Variants in LRP6 observed in about 807,000 individuals in gnomAD.
The protein encoded by LRP6 is LDL receptor related protein 6.
LRP6 carries 43 observed loss-of-function variants against 184.1 expected under a neutral mutation model. The observed-to-expected ratio is 0.23, with a 90% CI of 0.18 to 0.30. LRP6 has a LOEUF of 0.30. Ranked by LOEUF, LRP6 falls within the 10% of genes least tolerant of loss-of-function variation. LRP6 has a pLI of 1.00. For missense variants in LRP6, 1,571 were observed against 2,005.3 expected, an observed-to-expected ratio of 0.78 and a Z score of 4.14; for synonymous variants, 719 against 684.9, an observed-to-expected ratio of 1.05 and a Z score of -0.78.
Position 12,179,943 on chromosome 12 carries a change from A to G in LRP6, c.1412T>C (p.Ile471Thr). 6.2e-7 allele frequency: 1 copy of G among 1,613,964 alleles called. No homozygotes were observed. The highest frequency in any genetic ancestry group is 8.5e-7 in the Non-Finnish European group (1 of 1,179,858). ...AGAACCATCCAGAGCTGCTCGCTCAATTTTCGGAATTTCTCCCCAGTCAGT... is the reference window on the plus strand; with the variant it reads ...AGAACCATCCAGAGCTGCTCGCTCAGTTTTCGGAATTTCTCCCCAGTCAGT... ...YWTDWGEIPK[I>T]ERAALDGSDR... Residue 471 changes from isoleucine to threonine, a missense_variant, in exon 7 of 23, where the codon ATT becomes ACT. This residue lies in a region of LRP6 where 640 missense variants were observed against 851.9 expected (regional missense o/e 0.75). Transcript: ENST00000261349.
chr12:12,128,431 A>G (rs1949702945), intron 19 of LRP6, among the ~76,000 whole-genome samples: 1 of 152,168 alleles, frequency 6.6e-6, no homozygotes, highest in Non-Finnish European at 1.5e-5. Context: ...ATCTACTGTC[A>G]CAGCTTTCAT....
rs1862757765 is a variant in LRP6, at chr12:12,162,197, C to T, written c.2275G>A (p.Glu759Lys). 8 of 1,613,874 alleles carry T rather than the reference C, an allele frequency of 5.0e-6. No homozygotes were observed. Among genetic ancestry groups the T allele is most frequent in the East Asian group, 2.2e-5 (1 of 44,888 alleles). Residue 759 changes from glutamate to lysine, a missense_variant, in exon 10 of 23, where the codon GAA becomes AAA. Glu to Lys is a moderately conservative substitution (Grantham distance 56). Transcript: ENST00000261349. ...TGCACATGTAAAGCTGTTTACCCTT[C>T]GGCAGGGTCCAACGCGAGAGCTCTG... is the stretch of plus-strand genomic sequence containing the variant. ...SPRALALDPA[E>K]GFMYWTEWGG...
intron 2 of LRP6, among the ~76,000 whole-genome samples, chr12:12,205,998 A>G (rs1387392083): frequency 6.6e-6 from 1 of 152,248 alleles, no homozygotes; most frequent in Non-Finnish European, 1.5e-5. Context: ...TTCTATGTTT[A>G]GATACACAAA....
chr12:12,151,030 T>A lies in LRP6; in HGVS notation c.2800A>T (p.Thr934Ser). The stretch of plus-strand genomic sequence containing the variant: ...CTCTTTTGACTGAAGAGCAGGAAAG[T>A]CGTAGGAGCTTAAAAGGAAGAAAAG... Reference protein sequence around the residue: ...ADNRTCSAPTTFLLFSQKSAI... With the variant: ...ADNRTCSAPTSFLLFSQKSAI... The change falls in exon 13 of 23, where the codon ACT becomes TCT. Residue 934 changes from threonine (T) to serine (S), a missense_variant. Thr to Ser is a moderately conservative substitution (Grantham distance 58). This residue lies in a region of LRP6 where 763 missense variants were observed against 859.5 expected (regional missense o/e 0.89). Coordinates refer to ENST00000261349, the MANE Select transcript of LRP6 (RefSeq NM_002336.3). The A allele has an allele frequency of 6.2e-7, 1 of 1,613,886 alleles. No individual in the cohort carries two copies. Among genetic ancestry groups the A allele is most frequent in the Non-Finnish European group, 8.5e-7 (1 of 1,179,856 alleles).
chr12:12,137,692 T>G (rs1171044253), intron 16 of LRP6, among the ~76,000 whole-genome samples: 1 of 152,174 alleles, frequency 6.6e-6, no homozygotes, highest in African/African-American at 2.4e-5. Context: ...ATGCTTTATG[T>G]TATCAGTATT....
At chr12:12,204,106 C>G (rs1421209783) in intron 2 of LRP6, among the ~76,000 whole-genome samples, 3 of 152,106 alleles carry the variant, frequency 2.0e-5, no homozygotes, top group Non-Finnish European at 4.4e-5. Context: ...TTATATACCT[C>G]TTCATGTGAT....
intron 2 of LRP6, among the ~76,000 whole-genome samples, chr12:12,228,741 T>C (rs531177582): frequency 2.0e-5 from 3 of 152,304 alleles, no homozygotes; most frequent in African/African-American, 7.2e-5. Context: ...TGATCTGAGG[T>C]GGCACAGTTT....
At chr12:12,132,915 T>C (rs1007160858) in intron 17 of LRP6, among the ~76,000 whole-genome samples, 1 of 152,198 alleles carries the variant, frequency 6.6e-6, no homozygotes, top group Non-Finnish European at 1.5e-5. Flanking sequence ...AATTATACAG[T>C]AGTTATTTAC....
chr12:12,209,341 T>C (rs1431371259), intron 2 of LRP6, among the ~76,000 whole-genome samples: 1 of 152,232 alleles, frequency 6.6e-6, no homozygotes, highest in Non-Finnish European at 1.5e-5. Flanking sequence ...ATTTTAGTAA[T>C]GAATAAAAGT....
intron 2 of LRP6, among the ~76,000 whole-genome samples, chr12:12,222,432 G>A (rs551703227): frequency 5.9e-5 from 9 of 151,892 alleles, no homozygotes; most frequent in African/African-American, 1.2e-4. Flanking sequence ...GCCGGTCGTC[G>A]TGGTGGTGCC....
At chr12:12,139,009 T>C (rs906805414) in intron 15 of LRP6, 5 of 1,317,800 alleles carry the variant, frequency 3.8e-6, no homozygotes, top group African/African-American at 1.5e-5. Context: ...ATCTCAGACA[T>C]AGAGTCATCC....
chr12:12,213,694 T>C, intron 2 of LRP6, among the ~76,000 whole-genome samples: 1 of 152,096 alleles, frequency 6.6e-6, no homozygotes, highest in East Asian at 1.9e-4. Flanking sequence ...ATAAACTGAT[T>C]TTTTCTTTCC....
At chr12:12,133,370 G>A (rs981792660) in intron 17 of LRP6, among the ~76,000 whole-genome samples, 4 of 152,116 alleles carry the variant, frequency 2.6e-5, no homozygotes, top group Non-Finnish European at 5.9e-5. Flanking sequence ...CCTCCTGATA[G>A]TAAATGAATT....
intron 12 of LRP6, among the ~76,000 whole-genome samples, chr12:12,156,508 G>A (rs1862583543): frequency 6.6e-6 from 1 of 152,152 alleles, no homozygotes; most frequent in Admixed American, 6.5e-5. Flanking sequence ...ATAAGAACTA[G>A]GTTTTTATTC....
chr12:12,161,969 C>A (rs1168594973), intron 10 of LRP6, among the ~76,000 whole-genome samples: 1 of 151,798 alleles, frequency 6.6e-6, no homozygotes, highest in African/African-American at 2.4e-5. Context: ...ACCCATTCCC[C>A]TCTTTCTTCA....
At chr12:12,217,607 A>G (rs1297711018) in intron 2 of LRP6, among the ~76,000 whole-genome samples, 1 of 152,204 alleles carries the variant, frequency 6.6e-6, no homozygotes, top group Non-Finnish European at 1.5e-5. Flanking sequence ...TAAAAGCTAT[A>G]GGGACTCAGA....
At chr12:12,121,503 T>C in intron 22 of LRP6, 83 bp from the exon 23 acceptor site, 1 of 1,255,160 alleles carries the variant, frequency 8.0e-7, no homozygotes, top group South Asian at 1.2e-5. Context: ...GTATTAGATG[T>C]CAACTACCCT....
Position 12,179,904 on chromosome 12 carries a change from A to C in LRP6, c.1451T>G (p.Leu484Trp). 6.2e-7 allele frequency: 1 copy of C among 1,614,026 alleles called. No homozygotes were observed. The highest frequency in any genetic ancestry group is 1.3e-5 in the African/African-American group (1 of 75,052). The change falls in exon 7 of 23, where the codon TTG (leucine) becomes TGG (tryptophan). Residue 484 changes from leucine to tryptophan, a missense_variant. By Grantham distance (61) the Leu-to-Trp change is moderately conservative. Around this residue, in one of 4 missense-constraint regions of LRP6, gnomAD observed 640 missense variants for 851.9 expected, o/e 0.75. Coordinates refer to ENST00000261349, the MANE Select transcript of LRP6 (RefSeq NM_002336.3). ...TGGCCAACCAAGAGAAGTGTTAACC[A>C]ATACTACACGGTCAGAACCATCCAG... ...AALDGSDRVV[L>W]VNTSLGWPNG...
intron 1 of LRP6, among the ~76,000 whole-genome samples, chr12:12,246,024 CAG>C (rs1388645747): frequency 2.5e-5 from 2 of 79,188 alleles, no homozygotes; most frequent in Non-Finnish European, 4.8e-5. Flanking sequence ...TTTTTTGAGA[CAG>C]AGTTTTGCTC....
Sources: allele counts gnomAD v4.1 joint callset (sites outside exome capture counted in the v4.1 genomes callset), GRCh38; gene constraint gnomAD v4.1.1; regional missense constraint gnomAD v4.1.1; transcripts MANE v1.5; gene names NCBI Gene and HGNC (gene_info 2026-07-23, HGNC 2026-07-21).